The following KAZN variants were observed in gnomAD, a reference collection of about 807,000 sequenced individuals.
KAZN encodes kazrin, periplakin interacting protein.
A neutral mutation model predicts 87.4 loss-of-function variants in KAZN; 40 were observed. The ratio of observed to expected loss-of-function variants is 0.46; its 90% CI spans 0.36 to 0.60. The LOEUF (loss-of-function observed/expected upper bound fraction) is 0.60, where lower values mean the gene tolerates loss of function less well. Ranked by LOEUF, KAZN falls within the 20% of genes least tolerant of loss-of-function variation. The probability of loss-of-function intolerance (pLI) is 0.00; values close to 1 mark genes in which losing one functional copy is unlikely to be tolerated. For synonymous variants in KAZN, 466 were observed against 458.3 expected (o/e 1.02, Z -0.22); for missense variants, 898 against 1,073.9 (o/e 0.84, Z 2.29).
intron 2 of KAZN, among the ~76,000 whole-genome samples, chr1:14,593,399 G>A (rs664747): frequency 0.43 from 65,169 of 152,068 alleles, 15,553 homozygotes; most frequent in African/African-American, 0.66. Context: ...TGAGGCTCAC[G>A]GTCTGGCTCA....
chr1:14,137,292 A>C (rs920295004), intron 1 of KAZN, among the ~76,000 whole-genome samples: 2 of 152,158 alleles, frequency 1.3e-5, no homozygotes, highest in African/African-American at 4.8e-5. Flanking sequence ...GAAATCTAGA[A>C]GTAAGTTTCT....
intron 1 of KAZN, among the ~76,000 whole-genome samples, chr1:13,957,568 G>T (rs1447750072): frequency 6.6e-6 from 1 of 152,166 alleles, no homozygotes; most frequent in Non-Finnish European, 1.5e-5. Context: ...TGGTTAGAAA[G>T]TTCAGGATTG....
intron 1 of KAZN, among the ~76,000 whole-genome samples, chr1:14,807,942 G>A (rs1014912002): frequency 2.0e-5 from 3 of 152,162 alleles, no homozygotes; most frequent in South Asian, 2.1e-4. Context: ...GAGGAGCAGA[G>A]CAGATCATAT....
intron 1 of KAZN, among the ~76,000 whole-genome samples, chr1:14,710,676 T>G (rs1262318174): frequency 6.6e-6 from 1 of 152,190 alleles, no homozygotes; most frequent in Non-Finnish European, 1.5e-5. Flanking sequence ...GGGAGAGTCC[T>G]TTTTCCATTG....
At chr1:13,990,878 G>A (rs1278192159) in intron 1 of KAZN, among the ~76,000 whole-genome samples, 3 of 152,184 alleles carry the variant, frequency 2.0e-5, no homozygotes, top group African/African-American at 7.2e-5. Flanking sequence ...AGTGATTACT[G>A]TAAATCCTTT....
At chr1:14,400,733 G>A (rs957326682) in intron 2 of KAZN, among the ~76,000 whole-genome samples, 3 of 152,142 alleles carry the variant, frequency 2.0e-5, no homozygotes, top group Non-Finnish European at 4.4e-5. Context: ...TCCCAGGCCC[G>A]GCCCCTGCTG....
intron 1 of KAZN, among the ~76,000 whole-genome samples, chr1:14,832,228 A>G (rs944945235): frequency 4.6e-5 from 7 of 151,628 alleles, no homozygotes; most frequent in Admixed American, 4.6e-4. Context: ...CACACTCACA[A>G]GAGAATTTAC....
At chr1:14,361,087 T>C (rs909834223) in intron 2 of KAZN, among the ~76,000 whole-genome samples, 18 of 152,214 alleles carry the variant, frequency 1.2e-4, no homozygotes, top group African/African-American at 4.1e-4. Flanking sequence ...GTTTTATCTA[T>C]AGGCCCGACT....
chr1:14,034,857 G>T (rs1641480341), intron 1 of KAZN, among the ~76,000 whole-genome samples: 1 of 152,184 alleles, frequency 6.6e-6, no homozygotes, highest in South Asian at 2.1e-4. Flanking sequence ...ACTCGGTAAA[G>T]ACTGGTGGGA....
In KAZN at chr1:14,170,181, C is replaced by T. The variant is rs572105080; in HGVS notation, c.92-10254C>T. On this transcript the variant is annotated intron_variant, in intron 1 of 16. Transcript: ENST00000636203. ...AGGCTCAGTCAGAGCCCAATTCAGG[C>T]ACCACGTGGCTGGGACTTCTAGCCA... Among the ~76,000 whole-genome samples, 15 of 152,332 alleles carry T rather than the reference C, an allele frequency of 9.8e-5. No individual in the cohort carries two copies. The South Asian group carries it at 1.7e-3, about 17-fold the overall frequency.
chr1:15,027,376 G>A (rs1486669501), intron 2 of KAZN, among the ~76,000 whole-genome samples: 2 of 150,664 alleles, frequency 1.3e-5, no homozygotes, highest in Non-Finnish European at 3.0e-5. Context: ...CACCGCTCCC[G>A]GCCCCAAGCC....
chr1:14,659,249 T>TA (rs1553204816), intron 1 of KAZN, among the ~76,000 whole-genome samples: 1 of 151,558 alleles, frequency 6.6e-6, no homozygotes, highest in African/African-American at 2.4e-5. Flanking sequence ...AAAATAAAAA[T>TA]AATAAATAAA....
chr1:14,355,897 G>GC (rs1658980887), intron 2 of KAZN, among the ~76,000 whole-genome samples: 1 of 152,154 alleles, frequency 6.6e-6, no homozygotes, highest in Admixed American at 6.5e-5. Context: ...ACATATGTAT[G>GC]CATGTGTCTT....
chr1:14,761,518 G>A (rs977183626), intron 1 of KAZN, among the ~76,000 whole-genome samples: 2 of 152,196 alleles, frequency 1.3e-5, no homozygotes, highest in Non-Finnish European at 2.9e-5. Context: ...AGTGTTTGTT[G>A]ATTAAATGGT....
intron 1 of KAZN, among the ~76,000 whole-genome samples, chr1:14,789,654 C>A (rs1645612304): frequency 6.6e-6 from 1 of 151,178 alleles, no homozygotes; most frequent in Non-Finnish European, 1.5e-5. Flanking sequence ...AACTTTAGCA[C>A]CTCCCTCCTG....
intron 1 of KAZN, among the ~76,000 whole-genome samples, chr1:14,639,198 A>G (rs1482329403): frequency 1.3e-5 from 2 of 152,122 alleles, no homozygotes; most frequent in East Asian, 3.9e-4. Context: ...CTCTGGGCCC[A>G]AGAGAGTCCA....
intron 1 of KAZN, among the ~76,000 whole-genome samples, chr1:14,165,168 G>A (rs778287616): frequency 1.3e-5 from 2 of 151,920 alleles, no homozygotes; most frequent in Admixed American, 6.6e-5. Flanking sequence ...GTCCTAAAAT[G>A]TGAGCTATGG....
Position 14,530,914 on chromosome 1 carries a change from C to T in KAZN, c.250-68069C>T, listed in dbSNP as rs978739914. 5.9e-5 allele frequency among the ~76,000 whole-genome samples: 9 copies of T among 152,104 alleles called. No individual in the cohort carries two copies. In the East Asian group the frequency reaches 1.7e-3, roughly 29 times the overall value. Reference sequence around the variant, plus strand: ...TGGGCAACATGGCGAAACCTTGTCTCTACAAAAAATTAGCCAGGCATAGTG... The same window carrying T: ...TGGGCAACATGGCGAAACCTTGTCTTTACAAAAAATTAGCCAGGCATAGTG... On this transcript the variant is annotated intron_variant, in intron 2 of 16. Coordinates refer to the KAZN transcript ENST00000636203.
intron 1 of KAZN, among the ~76,000 whole-genome samples, chr1:14,728,487 G>A (rs1244618900): frequency 6.6e-6 from 1 of 152,020 alleles, no homozygotes; most frequent in African/African-American, 2.4e-5. Context: ...TAGTTAATTG[G>A]ATGAATGAAT....
Sources: allele counts gnomAD v4.1 joint callset (sites outside exome capture counted in the v4.1 genomes callset), GRCh38; gene constraint gnomAD v4.1.1; transcripts MANE v1.5; gene names NCBI Gene and HGNC (gene_info 2026-07-23, HGNC 2026-07-21).